PHRF1: variants seen among roughly 807,000 people sequenced by gnomAD.
PHRF1 encodes PHD and ring finger domains 1.
Under a neutral mutation model 128.9 loss-of-function variants are expected in PHRF1, and 53 were observed. The observed-to-expected ratio is 0.41, with a 90% CI of 0.33 to 0.52. The LOEUF (loss-of-function observed/expected upper bound fraction) is 0.52, where lower values mean the gene tolerates loss of function less well. Among genes scored for constraint, PHRF1 ranks in the 20% least tolerant of loss-of-function variants. The pLI is 0.21. For synonymous variants in PHRF1, 1,178 were observed against 980.6 expected, an observed-to-expected ratio of 1.20 and a Z score of -3.76; for missense variants, 2,503 against 2,284.5, an observed-to-expected ratio of 1.10 and a Z score of -1.95.
In PHRF1 at chr11:597,398, C is replaced by G; in HGVS notation, c.722C>G (p.Ala241Gly). 2 of 1,611,016 alleles carry G rather than the reference C, an allele frequency of 1.2e-6. No homozygotes were observed. The highest frequency in any genetic ancestry group is 1.7e-6 in the Non-Finnish European group (2 of 1,178,334). Reference protein sequence around the residue: ...AAPGVVLAADAGPVSEEEVSL... With the variant: ...AAPGVVLAADGGPVSEEEVSL... ...CAGCCCTGGTGGTTCTTCCCAGATGCGGGTCCCGTGAGTGAGGAGGAGGTC... is the reference window on the plus strand; with the variant it reads ...CAGCCCTGGTGGTTCTTCCCAGATGGGGGTCCCGTGAGTGAGGAGGAGGTC... The change falls in exon 8 of 18, where the codon GCG becomes GGG. Residue 241 changes from alanine (A) to glycine (G), a missense_variant. Physicochemically the swap from Ala to Gly is moderately conservative, Grantham distance 60 (BLOSUM62 0). Coordinates refer to ENST00000264555, the MANE Select transcript of PHRF1 (RefSeq NM_001286581.2). The surrounding 1 kb of genome is among the most constrained non-coding windows in gnomAD (Gnocchi z 6.5).
intron 17 of PHRF1, among the ~76,000 whole-genome samples, chr11:611,361 A>AC (rs968500460): frequency 6.6e-6 from 1 of 151,632 alleles, no homozygotes; most frequent in Non-Finnish European, 1.5e-5. Context: ...TGGGAGAACG[A>AC]CCCCCAGAGG....
Position 609,460 on chromosome 11 carries a change from C to T in PHRF1, c.4004C>T (p.Pro1335Leu), listed in dbSNP as rs1235580550. 3 of 1,605,514 alleles carry T rather than the reference C, an allele frequency of 1.9e-6. No individual in the cohort carries two copies. Among genetic ancestry groups the T allele is most frequent in the African/African-American group, 1.3e-5 (1 of 74,906 alleles). The change falls in exon 14 of 18, where the codon CCA (proline) becomes CTA (leucine). Residue 1335 changes from proline to leucine, a missense_variant. Physicochemically the swap from Pro to Leu is moderately conservative, Grantham distance 98. Coordinates refer to ENST00000264555, the MANE Select transcript of PHRF1 (RefSeq NM_001286581.2). ...CACGATGAAGACCCTTCGCAGCCCC[C>T]ACCCCTGCCAGAGGGCACCCAGGAG... ...LMHDEDPSQP[P>L]PLPEGTQEPH...
chr11:601,463 G>T, intron 9 of PHRF1, 111 bp from the exon 10 acceptor site: 2 of 1,405,352 alleles, frequency 1.4e-6, no homozygotes, highest in Non-Finnish European at 1.9e-6. Context: ...GCCGGTGCGT[G>T]TGGTCCCGCT....
rs777003496 is a variant in PHRF1 at position 607,017 on chromosome 11, T to A, written c.1610-49T>A. The A allele has an allele frequency of 6.6e-6, 10 of 1,522,434 alleles. No individual in the cohort carries two copies. The Middle Eastern group carries it at 5.4e-4, about 82-fold the overall frequency. 94.3% of individuals were successfully genotyped at this position (1,522,434 alleles called of 1,614,324 possible). On this transcript the variant is annotated intron_variant, in intron 13 of 17. Transcript: ENST00000264555. ...TGATAAAAATTAAACCACTGACATT[T>A]AAGAAGAGTGGGTGGGAAATGATTG...
At chr11:578,438 C>T (rs920249279) in intron 1 of PHRF1, among the ~76,000 whole-genome samples, 3 of 152,164 alleles carry the variant, frequency 2.0e-5, no homozygotes, top group East Asian at 1.9e-4. Context: ...TGCATGGACT[C>T]GCAAAGTTCA....
Position 611,720 on chromosome 11 carries a change from C to A in PHRF1, c.4893C>A (p.Arg1631=). ...KAYVDKYRHM[R]RHKKPEAGEE... ...ACGTGGACAAGTACAGGCACATGCGCAGGCACAAGAAACCAGAGGCCGGGG... is the reference window on the plus strand; with the variant it reads ...ACGTGGACAAGTACAGGCACATGCGAAGGCACAAGAAACCAGAGGCCGGGG... The change falls in exon 18 of 18, where the codon CGC becomes CGA. Residue 1631 remains arginine, a synonymous_variant. Coordinates refer to ENST00000264555, the MANE Select transcript of PHRF1 (RefSeq NM_001286581.2). 6.2e-7 allele frequency: 1 copy of A among 1,612,970 alleles called. No homozygotes were observed. The highest frequency in any genetic ancestry group is 8.5e-7 in the Non-Finnish European group (1 of 1,179,818).
intron 5 of PHRF1, among the ~76,000 whole-genome samples, chr11:591,822 C>T (rs919881890): frequency 3.3e-5 from 5 of 152,170 alleles, no homozygotes; most frequent in African/African-American, 9.7e-5. Flanking sequence ...TCACAGCTTA[C>T]TACAGCCTCA....
chr11:604,968 A>G, intron 10 of PHRF1, 151 bp from the exon 11 acceptor site: 1 of 762,900 alleles, frequency 1.3e-6, no homozygotes, highest in Non-Finnish European at 2.1e-6. Context: ...CTTGTCGGTC[A>G]TCATGCCTGA....
chr11:605,030 C>T (rs376564481), intron 10 of PHRF1, 89 bp from the exon 11 acceptor site: 12 of 1,319,274 alleles, frequency 9.1e-6, no homozygotes, highest in Non-Finnish European at 1.2e-5. Context: ...TTCACTGTTG[C>T]TGATGAAGGC....
At position 606,566 on chromosome 11, in the gene PHRF1, C is replaced by A; in HGVS notation, c.1579C>A (p.Arg527Ser). 1 of 1,608,198 alleles carries A rather than the reference C, an allele frequency of 6.2e-7. No homozygotes were observed. Among genetic ancestry groups the A allele is most frequent in the Non-Finnish European group, 8.5e-7 (1 of 1,178,024 alleles). ...GGGCAGCAGTGATGTCATCATCCAC[C>A]GCGACGGCTCCCTCAGCGCCAAGAG... ...MLGSSDVIIH[R>S]DGSLSAKRAA... is the part of the protein sequence containing the mutation. The change falls in exon 13 of 18, where the codon CGC becomes AGC. Residue 527 changes from arginine (R) to serine (S), a missense_variant. Arg to Ser is a moderately radical substitution (Grantham distance 110). Coordinates refer to ENST00000264555, the MANE Select transcript of PHRF1 (RefSeq NM_001286581.2).
In PHRF1 at chr11:609,696, GC is replaced by G; in HGVS notation, c.4245del (p.Ala1416ProfsTer94). 2.7e-6 allele frequency: 4 copies of G among 1,503,760 alleles called. No homozygotes were observed. The highest frequency in any genetic ancestry group is 1.8e-6 in the Non-Finnish European group (2 of 1,129,480). The allele number at this position is 1,503,760 out of a possible 1,614,324, so 93.2% of individuals were successfully genotyped here. ...GAACCTGCAGGAGTCGGAGAGCAGC[GC>G]CCCCGCCGAGGACAGAGCCCCCCGT... The part of the protein sequence containing the change: ...TWNLQESESS[A>X]PAEDRAPRAP... On this transcript the variant is annotated frameshift_variant, in exon 14 of 18. Transcript: ENST00000264555. LOFTEE classifies it high-confidence loss of function.
intron 3 of PHRF1, 65 bp downstream of exon 3, chr11:582,146 A>G (rs1854244365): frequency 2.6e-6 from 4 of 1,546,556 alleles, no homozygotes; most frequent in East Asian, 2.5e-5. Flanking sequence ...ACAGCCTTTT[A>G]TAACACATCC....
chr11:583,820 C>T (rs1288840052), intron 3 of PHRF1, among the ~76,000 whole-genome samples: 1 of 152,216 alleles, frequency 6.6e-6, no homozygotes, highest in Admixed American at 6.5e-5. Flanking sequence ...CGGTGGTGCA[C>T]AGCCTGTGAG....
intron 5 of PHRF1, 42 bp from the exon 6 acceptor site, chr11:592,517 A>G (rs1351457717): frequency 6.4e-7 from 1 of 1,570,682 alleles, no homozygotes; most frequent in Admixed American, 1.7e-5. Flanking sequence ...GACTGCGGGG[A>G]GTTTGGGTCC....
chr11:576,623 G>C (rs1012281968), intron 1 of PHRF1, 31 bp downstream of exon 1: 1 of 150,382 alleles, frequency 6.6e-6, no homozygotes, highest in African/African-American at 2.4e-5. Flanking sequence ...GGCCCTGGGG[G>C]CCCTGCTCCT....
Position 608,324 on chromosome 11 carries a change from G to T in PHRF1, c.2868G>T (p.Glu956Asp). 6.2e-7 allele frequency: 1 copy of T among 1,609,642 alleles called. No homozygotes were observed. The change falls in exon 14 of 18, where the codon GAG (glutamate) becomes GAT (aspartate). Residue 956 changes from glutamate (E) to aspartate (D), a missense_variant. By Grantham distance (45) the Glu-to-Asp change is conservative. Coordinates refer to ENST00000264555, the MANE Select transcript of PHRF1 (RefSeq NM_001286581.2). ...GASCSTFFGS[E>D]ERTVTCVTVV... ...CTTGCAGCACCTTCTTTGGCTCTGA[G>T]GAGCGGACGGTGACCTGTGTGACTG...
At chr11:581,752 T>C in intron 2 of PHRF1, 146 bp downstream of exon 2, 5 of 1,035,766 alleles carry the variant, frequency 4.8e-6, no homozygotes, top group Non-Finnish European at 6.9e-6. Context: ...AGTAGTGTAT[T>C]GTTTTGTTTT....
chr11:595,447 G>A (rs1855224049), intron 6 of PHRF1, among the ~76,000 whole-genome samples: 1 of 152,240 alleles, frequency 6.6e-6, no homozygotes, highest in South Asian at 2.1e-4. Context: ...GCTCACTGAG[G>A]CCTGTTAGGT....
chr11:585,277 A>C (rs1430636607), intron 3 of PHRF1, among the ~76,000 whole-genome samples: 5 of 132,564 alleles, frequency 3.8e-5, no homozygotes, highest in Non-Finnish European at 8.1e-5. Flanking sequence ...TTGAGGTAGT[A>C]GCCCTTTCCA....
Sources: allele counts gnomAD v4.1 joint callset (sites outside exome capture counted in the v4.1 genomes callset), GRCh38; gene constraint gnomAD v4.1.1; non-coding constraint Gnocchi (gnomAD v3.1); transcripts MANE v1.5; gene names NCBI Gene and HGNC (gene_info 2026-07-23, HGNC 2026-07-21).